OC90: variants seen among roughly 807,000 people sequenced by gnomAD.
The protein encoded by OC90 is otoconin-90.
Under a neutral mutation model 47.3 loss-of-function variants are expected in OC90, and 46 were observed. The ratio of observed to expected loss-of-function variants is 0.97; its 90% CI spans 0.77 to 1.24. The LOEUF (loss-of-function observed/expected upper bound fraction) is 1.24, where lower values mean the gene tolerates loss of function less well. Among genes scored for constraint, OC90 ranks in the 50% most tolerant of loss-of-function variants. The pLI is 0.00. For synonymous variants in OC90, 271 were observed against 219.5 expected (o/e 1.23, Z -2.07); for missense variants, 688 against 583.9 (o/e 1.18, Z -1.84).
chr8:132,034,787 G>C lies in OC90; in HGVS notation c.727C>G (p.Pro243Ala), dbSNP rs768895572. ...EGVGAARATS[P>A]PGSAEIVATR... ...TGGAGCCCAGTAGGCTTACCTGGAG[G>C]GGACGTAGCCCTAGCAGCTCCCACT... Residue 243 changes from proline (P) to alanine (A), a missense_variant, in exon 10 of 14, where the codon CCT becomes GCT. Pro to Ala is a conservative substitution (Grantham distance 27, BLOSUM62 -1). Coordinates refer to ENST00000254627, the MANE Select transcript of OC90 (RefSeq NM_001080399.3). The C allele has an allele frequency of 6.2e-7, 1 of 1,610,628 alleles. No homozygotes were observed. Among genetic ancestry groups the C allele is most frequent in the Non-Finnish European group, 8.5e-7 (1 of 1,177,468 alleles).
rs775710140 is a variant in OC90, at chr8:132,029,144, A to G, written c.1067T>C (p.Val356Ala). The G allele has an allele frequency of 6.2e-7, 1 of 1,613,928 alleles. No individual in the cohort carries two copies. The highest frequency in any genetic ancestry group is 1.1e-5 in the South Asian group (1 of 91,074). Reference protein sequence around the residue: ...CLSHHCCLEQVRRLGCLLERL... With the variant: ...CLSHHCCLEQARRLGCLLERL... ...CTCAAGCAGGCAGCCCAGCCTTCTCACTTGCTCTAGGCAGCAGTGATGGGA... is the reference window on the plus strand; with the variant it reads ...CTCAAGCAGGCAGCCCAGCCTTCTCGCTTGCTCTAGGCAGCAGTGATGGGA... The change falls in exon 13 of 14, where the codon GTG becomes GCG. Residue 356 changes from valine (V) to alanine (A), a missense_variant. Coordinates refer to ENST00000254627, the MANE Select transcript of OC90 (RefSeq NM_001080399.3).
chr8:132,028,698 AAGAGAGAC>A lies in OC90; in HGVS notation c.1138+367_1138+374del, dbSNP rs1249716353. Among the ~76,000 whole-genome samples the A allele has an allele frequency of 3.3e-3, 414 of 127,280 alleles. 7 individuals carry two copies. The highest frequency in any genetic ancestry group is 0.012 in the African/African-American group (397 of 34,316). 83.5% of individuals were successfully genotyped at this position (127,280 alleles called of 152,430 possible). A position where few individuals can be genotyped will look rare whatever the true frequency, so the allele number is the denominator to read the frequency against. Reference sequence around the variant, plus strand: ...AGAAAGAAAGAAAGAGAAAGAAAGAAAGAGAGACAGAAAGAAAGAAAGAAAGAGAAAGA... The same window carrying A: ...AGAAAGAAAGAAAGAGAAAGAAAGAAAGAAAGAAAGAAAGAAAGAGAAAGA... On this transcript the variant is annotated intron_variant, in intron 13 of 13. Transcript: ENST00000254627.
chr8:132,026,907 A>C (rs1822766829), intron 13 of OC90, among the ~76,000 whole-genome samples: 1 of 152,144 alleles, frequency 6.6e-6, no homozygotes, highest in Non-Finnish European at 1.5e-5. Context: ...CTTGCACTAC[A>C]ACTGGGCCTC....
chr8:132,046,143 G>C (rs1272718300), intron 2 of OC90, among the ~76,000 whole-genome samples: 1 of 152,158 alleles, frequency 6.6e-6, no homozygotes. Context: ...GAGGTTGGGA[G>C]ACTTATCTTG....
rs377124546 is a variant in OC90, at chr8:132,028,807, G to GAAA, written c.1138+263_1138+265dup. 6.5e-4 allele frequency among the ~76,000 whole-genome samples: 44 copies of GAAA among 67,720 alleles called. 1 individual carries two copies. The highest frequency in any genetic ancestry group is 2.6e-3 in the African/African-American group (43 of 16,604). 44.4% of individuals were successfully genotyped at this position (67,720 alleles called of 152,430 possible). A position where few individuals can be genotyped will look rare whatever the true frequency, so the allele number is the denominator to read the frequency against. On this transcript the variant is annotated intron_variant, in intron 13 of 13. Transcript: ENST00000254627. ...GAGGAAGAAAGAAGAAGGAAAGAAA[G>GAAA]AAAGAAAGAAAGAAAAAGAAAGAAA...
At chr8:132,041,500 T>C (rs553802803) in intron 5 of OC90, 25 bp downstream of exon 5, 1 of 1,590,856 alleles carries the variant, frequency 6.3e-7, no homozygotes, top group East Asian at 2.2e-5. Flanking sequence ...TTTTTTGGTC[T>C]TGCTCACCTG....
chr8:132,026,381 A>G (rs1822759240), intron 13 of OC90, among the ~76,000 whole-genome samples: 1 of 152,190 alleles, frequency 6.6e-6, no homozygotes, highest in Non-Finnish European at 1.5e-5. Flanking sequence ...CAAGCCTCCT[A>G]ACTTGGTCTC....
In OC90 at chr8:132,032,153, T is replaced by A. The variant is rs1586707318; in HGVS notation, c.860-101A>T. 4.1e-5 allele frequency: 42 copies of A among 1,036,570 alleles called. No individual in the cohort carries two copies. The East Asian group carries it at 9.8e-4, about 24-fold the overall frequency. The allele number at this position is 1,036,570 out of a possible 1,614,324, so 64.2% of individuals were successfully genotyped here. ...CCGGGTTGTATGTGGACAACTCTAGTCATGCAAAGGAACCCCATGTCTTAC... is the reference window on the plus strand; with the variant it reads ...CCGGGTTGTATGTGGACAACTCTAGACATGCAAAGGAACCCCATGTCTTAC... On this transcript the variant is annotated intron_variant, in intron 11 of 13. Coordinates refer to ENST00000254627, the MANE Select transcript of OC90 (RefSeq NM_001080399.3).
intron 4 of OC90, among the ~76,000 whole-genome samples, chr8:132,043,777 A>T (rs983873756): frequency 6.6e-6 from 1 of 152,248 alleles, no homozygotes; most frequent in Admixed American, 6.5e-5. Context: ...GTAAATATGC[A>T]TTTTCATTCA....
chr8:132,042,503 C>A (rs2878263), intron 4 of OC90, among the ~76,000 whole-genome samples: 1 of 151,506 alleles, frequency 6.6e-6, no homozygotes, highest in African/African-American at 2.4e-5. Context: ...AGTACCCAAC[C>A]GGGGTTTTTT....
intron 13 of OC90, among the ~76,000 whole-genome samples, chr8:132,025,326 T>G (rs1462205780): frequency 6.6e-6 from 1 of 152,196 alleles, no homozygotes; most frequent in Non-Finnish European, 1.5e-5. Context: ...CTTGAGCTTG[T>G]GGGCAACTTC....
chr8:132,040,292 G>A (rs1293717692), intron 6 of OC90, among the ~76,000 whole-genome samples: 2 of 152,146 alleles, frequency 1.3e-5, no homozygotes, highest in Non-Finnish European at 2.9e-5. Flanking sequence ...GCAAACAATG[G>A]CCCCTTTCTA....
At chr8:132,044,518 G>C in intron 3 of OC90, 29 bp from the exon 4 acceptor site, 17 of 1,341,064 alleles carry the variant, frequency 1.3e-5, no homozygotes, top group Non-Finnish European at 1.8e-5. Context: ...ACAAATGAGA[G>C]TCTTGGTTTT....
intron 11 of OC90, among the ~76,000 whole-genome samples, chr8:132,032,595 C>T (rs1230536462): frequency 2.0e-5 from 3 of 152,216 alleles, no homozygotes; most frequent in Non-Finnish European, 4.4e-5. Context: ...GAAGGCACAC[C>T]CAGATACTAA....
chr8:132,031,362 G>T (rs1822871759), intron 12 of OC90, among the ~76,000 whole-genome samples: 1 of 152,188 alleles, frequency 6.6e-6, no homozygotes, highest in Non-Finnish European at 1.5e-5. Flanking sequence ...ATTAATAAGT[G>T]CATGAGGTCA....
chr8:132,040,589 C>A (rs759460594), intron 6 of OC90, among the ~76,000 whole-genome samples: 1 of 152,178 alleles, frequency 6.6e-6, no homozygotes, highest in Non-Finnish European at 1.5e-5. Flanking sequence ...TCCACCTCCA[C>A]GTCCATCTCT....
Position 132,040,991 on chromosome 8 carries a change from C to A in OC90, c.457+53G>T, listed in dbSNP as rs145572311. ...CCTCAGCCTGGTCCAGGCTTGGGAT[C>A]CCTGGACTGTCATTTCTGGGCCCAG... On this transcript the variant is annotated intron_variant, in intron 6 of 13. Coordinates refer to ENST00000254627, the MANE Select transcript of OC90 (RefSeq NM_001080399.3). 4,395 of 1,076,426 alleles carry A rather than the reference C, an allele frequency of 4.1e-3. 29 individuals carry two copies. The highest frequency in any genetic ancestry group is 0.013 in the South Asian group (1,022 of 80,092). The allele number at this position is 1,076,426 out of a possible 1,614,324, so 66.7% of individuals were successfully genotyped here.
intron 12 of OC90, among the ~76,000 whole-genome samples, chr8:132,030,709 C>G (rs1213168999): frequency 6.6e-6 from 1 of 152,156 alleles, no homozygotes; most frequent in Non-Finnish European, 1.5e-5. Flanking sequence ...TCTTTAGGGT[C>G]CGCTGGTGGG....
chr8:132,033,953 A>G (rs535189276), intron 10 of OC90, among the ~76,000 whole-genome samples: 7 of 152,186 alleles, frequency 4.6e-5, no homozygotes, highest in South Asian at 2.1e-4. Context: ...CCCCAAATCC[A>G]CCATATTGGT....
Sources: gnomAD v4.1 joint callset for allele counts (sites outside exome capture counted in the v4.1 genomes callset) on GRCh38, gnomAD v4.1.1 for gene constraint, MANE v1.5 for transcripts, NCBI Gene and HGNC (gene_info 2026-07-23, HGNC 2026-07-21) for gene names.